The following SPOP variants were observed in gnomAD, a reference collection of about 807,000 sequenced individuals.
SPOP encodes the protein speckle-type POZ protein.
A neutral mutation model predicts 45.6 loss-of-function variants in SPOP; 11 were observed. The observed-to-expected ratio is 0.24, with a 90% CI of 0.15 to 0.40. SPOP has a LOEUF of 0.40. SPOP is among the 10% of genes least tolerant of loss of function. The probability of loss-of-function intolerance (pLI) is 1.00; values close to 1 mark genes in which losing one functional copy is unlikely to be tolerated. For missense variants in SPOP, 152 were observed against 465.6 expected (o/e 0.33, Z 6.20); for synonymous variants, 166 against 166.3 (o/e 1.00, Z 0.01).
chr17:49,666,914 CACGCCTGCA>C (rs1445529393), intron 1 of SPOP, among the ~76,000 whole-genome samples: 2 of 151,726 alleles, frequency 1.3e-5, no homozygotes, highest in Non-Finnish European at 2.9e-5. Context: ...CGTGGTGGCT[CACGCCTGCA>C]ATCCCAGTAC....
chr17:49,620,558 T>C (rs913870701), intron 3 of SPOP: 1 of 153,700 alleles, frequency 6.5e-6, no homozygotes, highest in African/African-American at 2.4e-5. Flanking sequence ...GGCAACAATA[T>C]TCTAAGACTA....
intron 2 of SPOP, 134 bp from the exon 3 acceptor site, chr17:49,622,201 C>T (rs1425153892): frequency 7.8e-6 from 9 of 1,158,846 alleles, no homozygotes; most frequent in Non-Finnish European, 1.1e-5. Flanking sequence ...TCAGGTTTTT[C>T]TCACCTTATG....
intron 6 of SPOP, among the ~76,000 whole-genome samples, chr17:49,610,816 G>C (rs2071956642): frequency 6.6e-6 from 1 of 152,154 alleles, no homozygotes; most frequent in South Asian, 2.1e-4. Context: ...AGCAAGACCT[G>C]ATCCTCCATG....
In SPOP at chr17:49,655,419, G is replaced by A. The variant is rs186722487; in HGVS notation, c.-67+22514C>T. Among the ~76,000 whole-genome samples the A allele has an allele frequency of 3.3e-5, 5 of 151,966 alleles. No individual in the cohort carries two copies. The East Asian group carries it at 9.7e-4, about 29-fold the overall frequency. ...CCAGCTACTCGGGAGGCTGAGGCAGGAGAATGGCGTGAACCCGGGAGGCGG... is the reference window on the plus strand; with the variant it reads ...CCAGCTACTCGGGAGGCTGAGGCAGAAGAATGGCGTGAACCCGGGAGGCGG... On this transcript the variant is annotated intron_variant, in intron 1 of 9. Transcript: ENST00000504102.
At chr17:49,611,965 G>A (rs1156629549) in intron 5 of SPOP, among the ~76,000 whole-genome samples, 5 of 150,936 alleles carry the variant, frequency 3.3e-5, no homozygotes, top group African/African-American at 7.3e-5. Context: ...TCACTGCAGC[G>A]TTGACCTCCC....
chr17:49,647,077 C>T (rs1489528362), intron 1 of SPOP, among the ~76,000 whole-genome samples: 2 of 151,846 alleles, frequency 1.3e-5, no homozygotes, highest in African/African-American at 4.8e-5. Flanking sequence ...ATCGCCTGAG[C>T]TCAGCAGTTG....
intron 1 of SPOP, among the ~76,000 whole-genome samples, chr17:49,661,845 C>T (rs777236709): frequency 2.0e-5 from 3 of 151,928 alleles, no homozygotes; most frequent in Non-Finnish European, 2.9e-5. Context: ...GAAACCCCGC[C>T]TCTACTAAAA....
chr17:49,614,130 C>T (rs2072032712), intron 5 of SPOP, among the ~76,000 whole-genome samples: 6 of 151,880 alleles, frequency 4.0e-5, no homozygotes, highest in Admixed American at 2.0e-4. Context: ...AAAGTAAAAC[C>T]CAGGGAAATA....
At chr17:49,639,140 A>C (rs889302585) in intron 1 of SPOP, among the ~76,000 whole-genome samples, 14 of 152,258 alleles carry the variant, frequency 9.2e-5, no homozygotes, top group Non-Finnish European at 1.5e-4. Flanking sequence ...TTTAAGGCAG[A>C]AGATATCAAC....
intron 1 of SPOP, among the ~76,000 whole-genome samples, chr17:49,641,665 A>G (rs1470751119): frequency 6.6e-6 from 1 of 152,156 alleles, no homozygotes; most frequent in Admixed American, 6.6e-5. Flanking sequence ...TGCACTTATT[A>G]ATATTAATGA....
chr17:49,652,039 A>T (rs1320196472), intron 1 of SPOP, among the ~76,000 whole-genome samples: 1 of 152,060 alleles, frequency 6.6e-6, no homozygotes, highest in Non-Finnish European at 1.5e-5. Flanking sequence ...TTGGAAGAAT[A>T]AGTTTTCCCC....
rs781198550 is a variant in SPOP at position 49,600,338 on chromosome 17, G to A, written c.*40C>T. The stretch of plus-strand genomic sequence containing the variant: ...GTCAGTGGCAGCAACAGTGGCTGCT[G>A]CTTCTGGAAATTAAACGGAGTCTTA... On this transcript the variant is annotated 3_prime_UTR_variant, in exon 10 of 10. Transcript: ENST00000504102. This position sits in a 1 kb window ranked among gnomAD's most constrained non-coding sequence, Gnocchi z 4.2. 1 of 1,611,500 alleles carries A rather than the reference G, an allele frequency of 6.2e-7. No individual in the cohort carries two copies. The highest frequency in any genetic ancestry group is 8.5e-7 in the Non-Finnish European group (1 of 1,178,882).
In SPOP at chr17:49,631,985, T is replaced by C. The variant is rs191707383; in HGVS notation, c.-66-9109A>G. Among the ~76,000 whole-genome samples the C allele has an allele frequency of 1.7e-3, 263 of 152,332 alleles. 2 individuals are homozygous for C. The highest frequency in any genetic ancestry group is 6.2e-3 in the African/African-American group (257 of 41,582). On this transcript the variant is annotated intron_variant, in intron 1 of 9. Transcript: ENST00000504102. ...TTGTTTTTATTTTTTCACTTGTCTA[T>C]TGTGTTCCCTACTAGAAGTTAAGCT...
chr17:49,677,612 C>G (rs1025582134), intron 1 of SPOP, among the ~76,000 whole-genome samples: 4 of 151,854 alleles, frequency 2.6e-5, no homozygotes, highest in Non-Finnish European at 5.9e-5. Context: ...CGTTCACACT[C>G]GCGCATGCGC....
intron 1 of SPOP, among the ~76,000 whole-genome samples, chr17:49,624,331 G>GCGCGCACACACA (rs71352523): frequency 1.3e-5 from 2 of 149,308 alleles, no homozygotes; most frequent in African/African-American, 5.0e-5. Context: ...GCGCGCGCGC[G>GCGCGCACACACA]CACACACACA....
At chr17:49,676,365 T>G (rs2044166) in intron 1 of SPOP, among the ~76,000 whole-genome samples, 4 of 152,124 alleles carry the variant, frequency 2.6e-5, no homozygotes, top group Non-Finnish European at 5.9e-5. Flanking sequence ...CATCTCTTGG[T>G]TCTAACTGTA....
At chr17:49,677,898 C>T (rs922766931) in intron 1 of SPOP, 35 bp downstream of exon 1, 2 of 151,744 alleles carry the variant, frequency 1.3e-5, no homozygotes, top group African/African-American at 6.0e-5. Flanking sequence ...TCCGACAGGA[C>T]AACCCCCTCC....
chr17:49,643,478 G>A (rs1265832566), intron 1 of SPOP, among the ~76,000 whole-genome samples: 3 of 152,202 alleles, frequency 2.0e-5, no homozygotes, highest in Non-Finnish European at 2.9e-5. Flanking sequence ...TCGAGGTGAA[G>A]ACATATTTTT....
chr17:49,609,065 C>T (rs893619643), intron 6 of SPOP, among the ~76,000 whole-genome samples: 1 of 152,222 alleles, frequency 6.6e-6, no homozygotes, highest in Middle Eastern at 3.4e-3. Context: ...CCCACCACCA[C>T]GCCTGGCTAA....
Sources: allele counts gnomAD v4.1 joint callset (sites outside exome capture counted in the v4.1 genomes callset), GRCh38; gene constraint gnomAD v4.1.1; non-coding constraint Gnocchi (gnomAD v3.1); transcripts MANE v1.5; gene names NCBI Gene and HGNC (gene_info 2026-07-23, HGNC 2026-07-21).